The following PPP1R1A variants were observed in gnomAD, a reference collection of about 807,000 sequenced individuals.
PPP1R1A encodes the protein protein phosphatase 1 regulatory inhibitor subunit 1A.
In PPP1R1A, 18 loss-of-function variants were observed where a neutral mutation model predicts 23.9. The observed-to-expected ratio is 0.75, with a 90% CI of 0.52 to 1.12. The LOEUF is 1.12. Among genes scored for constraint, PPP1R1A ranks in the 50% most tolerant of loss-of-function variants. The probability of loss-of-function intolerance (pLI) is 0.00; values close to 1 mark genes in which losing one functional copy is unlikely to be tolerated. For synonymous variants in PPP1R1A, 84 were observed against 80.7 expected, an observed-to-expected ratio of 1.04 and a Z score of -0.22; for missense variants, 207 against 223.8, an observed-to-expected ratio of 0.92 and a Z score of 0.48.
chr12:54,588,380 C>A, intron 1 of PPP1R1A, 25 bp downstream of exon 1: 1 of 1,491,596 alleles, frequency 6.7e-7, no homozygotes, highest in South Asian at 1.3e-5. Flanking sequence ...GGGCGAGTGC[C>A]CTGCCGCCCC....
At position 54,588,360 on chromosome 12, in the gene PPP1R1A, G is replaced by A. The variant is rs369780993; in HGVS notation, c.84+45C>T. ...GGTCCCACCAGTCCAGGGGTCCCTCGTCCTTGGCTGGGCGAGTGCCCTGCC... is the reference window on the plus strand; with the variant it reads ...GGTCCCACCAGTCCAGGGGTCCCTCATCCTTGGCTGGGCGAGTGCCCTGCC... On this transcript the variant is annotated intron_variant, in intron 1 of 6. Coordinates refer to ENST00000257905, the MANE Select transcript of PPP1R1A (RefSeq NM_006741.4). 9.3e-5 allele frequency: 135 copies of A among 1,457,430 alleles called. No individual in the cohort carries two copies. In the African/African-American group the frequency reaches 9.9e-4, roughly 11 times the overall value. The allele number at this position is 1,457,430 out of a possible 1,614,324, so 90.3% of individuals were successfully genotyped here.
intron 3 of PPP1R1A, 121 bp from the exon 4 acceptor site, chr12:54,582,916 C>G: frequency 9.0e-7 from 1 of 1,104,986 alleles, no homozygotes; most frequent in South Asian, 1.5e-5. Context: ...CCTTGCCAGG[C>G]TTTTGGATTG....
chr12:54,584,345 A>C, intron 1 of PPP1R1A, 25 bp from the exon 2 acceptor site: 1 of 1,572,900 alleles, frequency 6.4e-7, no homozygotes, highest in Non-Finnish European at 8.7e-7. Context: ...GAAATGGGGA[A>C]GAGGTCAAGT....
In PPP1R1A at chr12:54,580,171, T is replaced by C; in HGVS notation, c.*216A>G. 7.4e-7 allele frequency: 1 copy of C among 1,359,430 alleles called. No individual in the cohort carries two copies. Among genetic ancestry groups the C allele is most frequent in the Non-Finnish European group, 9.5e-7 (1 of 1,052,884 alleles). 84.2% of individuals were successfully genotyped at this position (1,359,430 alleles called of 1,614,324 possible). ...TGTTTCTTCCTTCCCAGAGGCAGCT[T>C]GGCAGGAGGGTGGGGGCTACAGAGA... On this transcript the variant is annotated 3_prime_UTR_variant, in exon 7 of 7. Transcript: ENST00000257905.
rs148527101 is a variant in PPP1R1A, at chr12:54,587,749, AG to A, written c.84+655del. ...GTCCCACCTGGACTCCCCACTCCAA[AG>A]GGCAGGAGTTGGGAATAAGGGCCAT... is the stretch of plus-strand genomic sequence containing the variant. On this transcript the variant is annotated intron_variant, in intron 1 of 6. Transcript: ENST00000257905. Among the ~76,000 whole-genome samples the A allele has an allele frequency of 6.4e-4, 98 of 152,162 alleles. No individual in the cohort carries two copies. In the East Asian group the frequency reaches 0.017, roughly 26 times the overall value.
At chr12:54,587,366 T>C (rs571657408) in intron 1 of PPP1R1A, among the ~76,000 whole-genome samples, 11 of 152,310 alleles carry the variant, frequency 7.2e-5, no homozygotes, top group Admixed American at 2.0e-4. Context: ...GGGAAATTGA[T>C]ATTCTTTAGG....
At chr12:54,585,828 G>C (rs1371849210) in intron 1 of PPP1R1A, among the ~76,000 whole-genome samples, 1 of 151,030 alleles carries the variant, frequency 6.6e-6, no homozygotes, top group East Asian at 1.9e-4. Context: ...GGGGGTATGT[G>C]GGGGTAGGGC....
chr12:54,581,997 C>T lies in PPP1R1A; in HGVS notation c.382G>A (p.Gly128Ser), dbSNP rs756851957. 3.1e-6 allele frequency: 5 copies of T among 1,613,028 alleles called. No individual in the cohort carries two copies. Among genetic ancestry groups the T allele is most frequent in the Non-Finnish European group, 3.4e-6 (4 of 1,179,442 alleles). Residue 128 changes from glycine (G) to serine (S), a missense_variant, in exon 5 of 7, where the codon GGC becomes AGC. Coordinates refer to ENST00000257905, the MANE Select transcript of PPP1R1A (RefSeq NM_006741.4). The surrounding 1 kb of genome is among the most constrained non-coding windows in gnomAD (Gnocchi z 4.1). Reference protein sequence around the residue: ...IPDTEVESRLGTSGTAKKTAE... With the variant: ...IPDTEVESRLSTSGTAKKTAE... ...ATACTTTTTGCTGTCCCAGAGGTGCCCAGCCTTGACTCCACTTCTGTGTCT... is the reference window on the plus strand; with the variant it reads ...ATACTTTTTGCTGTCCCAGAGGTGCTCAGCCTTGACTCCACTTCTGTGTCT...
chr12:54,580,513 CTG>C (rs902403620), intron 6 of PPP1R1A, 121 bp from the exon 7 acceptor site: 1 of 989,906 alleles, frequency 1.0e-6, no homozygotes, highest in Non-Finnish European at 1.6e-6. Context: ...GTTCTGATGT[CTG>C]AGAGCAGTCC....
intron 1 of PPP1R1A, among the ~76,000 whole-genome samples, chr12:54,585,210 G>T (rs1565712773): frequency 6.6e-6 from 1 of 152,198 alleles, no homozygotes; most frequent in Non-Finnish European, 1.5e-5. Context: ...GATTTGTCAA[G>T]AAATGGGGTT....
chr12:54,580,145 C>T lies in PPP1R1A; in HGVS notation c.*242G>A. 3 of 1,333,060 alleles carry T rather than the reference C, an allele frequency of 2.3e-6. No individual in the cohort carries two copies. Among genetic ancestry groups the T allele is most frequent in the Non-Finnish European group, 2.9e-6 (3 of 1,037,752 alleles). The allele number at this position is 1,333,060 out of a possible 1,614,324, so 82.6% of individuals were successfully genotyped here. On this transcript the variant is annotated 3_prime_UTR_variant, in exon 7 of 7. Transcript: ENST00000257905. Reference sequence around the variant, plus strand: ...CCTGCTCAAGGCTTCTGCCTAGCTCCTGTTTCTTCCTTCCCAGAGGCAGCT... The same window carrying T: ...CCTGCTCAAGGCTTCTGCCTAGCTCTTGTTTCTTCCTTCCCAGAGGCAGCT...
intron 3 of PPP1R1A, 38 bp downstream of exon 3, chr12:54,583,173 G>T (rs550844762): frequency 1.9e-5 from 29 of 1,548,002 alleles, no homozygotes; most frequent in Admixed American, 4.2e-5. Flanking sequence ...GAATGTGGGG[G>T]TTTTTTGGGC....
chr12:54,582,611 G>A (rs1048318150), intron 4 of PPP1R1A, 121 bp downstream of exon 4: 13 of 1,207,320 alleles, frequency 1.1e-5, no homozygotes, highest in African/African-American at 3.0e-5. Flanking sequence ...GCCTCAGTTC[G>A]TCTAGCAACA....
At chr12:54,587,832 C>T (rs1957925384) in intron 1 of PPP1R1A, among the ~76,000 whole-genome samples, 1 of 152,134 alleles carries the variant, frequency 6.6e-6, no homozygotes, top group South Asian at 2.1e-4. Context: ...CCTCTCCCCT[C>T]TCCCTGGAGC....
rs1957854580 is a variant in PPP1R1A, at chr12:54,581,331, G to A, written c.404-281C>T. On this transcript the variant is annotated intron_variant, in intron 5 of 6. Transcript: ENST00000257905. This position sits in a 1 kb window ranked among gnomAD's most constrained non-coding sequence, Gnocchi z 4.1. ...CTAAACCTGACATGAACTCATAGGA[G>A]GCTGTTTTTAGTCTTTATTCTGCTT... Among the ~76,000 whole-genome samples, 1 of 152,196 alleles carries A rather than the reference G, an allele frequency of 6.6e-6. No individual in the cohort carries two copies. Among genetic ancestry groups the A allele is most frequent in the South Asian group, 2.1e-4 (1 of 4,830 alleles).
chr12:54,585,061 A>G (rs1471498972), intron 1 of PPP1R1A, among the ~76,000 whole-genome samples: 2 of 152,196 alleles, frequency 1.3e-5, no homozygotes, highest in Admixed American at 1.3e-4. Flanking sequence ...TTTGTGTGAC[A>G]GCGCCTGGAG....
chr12:54,580,183 G>A lies in PPP1R1A; in HGVS notation c.*204C>T, dbSNP rs957780742. ...CCCAGAGGCAGCTTGGCAGGAGGGTGGGGGCTACAGAGAGGGCAGGGCAAG... is the reference window on the plus strand; with the variant it reads ...CCCAGAGGCAGCTTGGCAGGAGGGTAGGGGCTACAGAGAGGGCAGGGCAAG... On this transcript the variant is annotated 3_prime_UTR_variant, in exon 7 of 7. Transcript: ENST00000257905. 7.3e-7 allele frequency: 1 copy of A among 1,372,972 alleles called. No homozygotes were observed. Among genetic ancestry groups the A allele is most frequent in the African/African-American group, 1.5e-5 (1 of 68,152 alleles). The allele number at this position is 1,372,972 out of a possible 1,614,324, so 85.0% of individuals were successfully genotyped here.
chr12:54,583,013 TGTGA>T (rs962631922), intron 3 of PPP1R1A, among the ~76,000 whole-genome samples, 194 bp downstream of exon 3: 29 of 152,172 alleles, frequency 1.9e-4, no homozygotes, highest in Non-Finnish European at 3.1e-4. Flanking sequence ...GCAAGGAGAC[TGTGA>T]GTGTGTGTGT....
At chr12:54,582,847 A>C in intron 3 of PPP1R1A, 52 bp from the exon 4 acceptor site, 1 of 1,559,590 alleles carries the variant, frequency 6.4e-7, no homozygotes, top group Non-Finnish European at 8.8e-7. Context: ...TGCTCTCCAG[A>C]CCCCTCCCTT....
Sources: gnomAD v4.1 joint callset for allele counts (sites outside exome capture counted in the v4.1 genomes callset) on GRCh38, gnomAD v4.1.1 for gene constraint, Gnocchi (gnomAD v3.1) non-coding constraint, MANE v1.5 for transcripts, NCBI Gene and HGNC (gene_info 2026-07-23, HGNC 2026-07-21) for gene names.